GRIK4: variants seen among roughly 807,000 people sequenced by gnomAD.
The protein encoded by GRIK4 is glutamate ionotropic receptor kainate type subunit 4.
A neutral mutation model predicts 104.9 loss-of-function variants in GRIK4; 40 were observed. The observed-to-expected ratio is 0.38, with a 90% CI of 0.30 to 0.50. The LOEUF (loss-of-function observed/expected upper bound fraction) is 0.50. Among genes scored for constraint, GRIK4 ranks in the 20% least tolerant of loss-of-function variants. The pLI, the probability that GRIK4 is intolerant of heterozygous loss-of-function variation, is 0.93. For missense variants in GRIK4, 1,047 were observed against 1,308.1 expected (o/e 0.80, Z 3.08); for synonymous variants, 485 against 524.9 (o/e 0.92, Z 1.04).
At chr11:120,934,918 C>T (rs1031851882) in intron 13 of GRIK4, among the ~76,000 whole-genome samples, 1 of 152,160 alleles carries the variant, frequency 6.6e-6, no homozygotes, top group Non-Finnish European at 1.5e-5. Flanking sequence ...TTCCATCCCC[C>T]CTGGGTTACG....
At chr11:120,923,454 C>T (rs1943268714) in intron 13 of GRIK4, among the ~76,000 whole-genome samples, 1 of 146,800 alleles carries the variant, frequency 6.8e-6, no homozygotes, top group African/African-American at 2.5e-5. Flanking sequence ...ACTCAGTCGC[C>T]CAGGCTGGAG....
chr11:120,966,034 T>C (rs879348338), intron 18 of GRIK4, among the ~76,000 whole-genome samples: 1 of 152,226 alleles, frequency 6.6e-6, no homozygotes, highest in Non-Finnish European at 1.5e-5. Context: ...TGCTGGGACA[T>C]TGAGCTTTCC....
In GRIK4 at chr11:120,902,747, G is replaced by T. The variant is rs1214038322; in HGVS notation, c.1273-2543G>T. Among the ~76,000 whole-genome samples the T allele has an allele frequency of 6.6e-6, 1 of 152,160 alleles. No individual in the cohort carries two copies. Among genetic ancestry groups the T allele is most frequent in the African/African-American group, 2.4e-5 (1 of 41,420 alleles). On this transcript the variant is annotated intron_variant, in intron 12 of 20. Coordinates refer to ENST00000527524, the MANE Select transcript of GRIK4 (RefSeq NM_014619.5). The surrounding 1 kb of genome is among the most constrained non-coding windows in gnomAD (Gnocchi z 4.5). The stretch of plus-strand genomic sequence containing the variant: ...AGAGCAGGGGAGTTCTGAGACATGG[G>T]TTGGCACAGAAGGAGGCAGTGTGAC...
In GRIK4 at chr11:120,831,989, A is replaced by G. The variant is rs755936093; in HGVS notation, c.649A>G (p.Ile217Val). 17 of 1,613,538 alleles carry G rather than the reference A, an allele frequency of 1.1e-5. No individual in the cohort carries two copies. The highest frequency in any genetic ancestry group is 1.7e-5 in the Admixed American group (1 of 59,976). ...GGACGACAAGACCGCCACCATCATC[A>G]TCCACGCCAACGCCTCCATGTCCCA... Reference protein sequence around the residue: ...IRDDKTATIIIHANASMSHTI... With the variant: ...IRDDKTATIIVHANASMSHTI... The change falls in exon 7 of 21, where the codon ATC becomes GTC. Residue 217 changes from isoleucine (I) to valine (V), a missense_variant. This residue lies in a region of GRIK4 where 447 missense variants were observed against 514.9 expected (regional missense o/e 0.87). Transcript: ENST00000527524.
intron 3 of GRIK4, among the ~76,000 whole-genome samples, chr11:120,690,363 C>T (rs894942439): frequency 6.6e-5 from 10 of 152,200 alleles, no homozygotes; most frequent in African/African-American, 2.4e-4. Context: ...CTTCTAGGCA[C>T]ATCTCTATTG....
intron 3 of GRIK4, among the ~76,000 whole-genome samples, chr11:120,679,864 C>T (rs1316626701): frequency 2.6e-5 from 4 of 152,182 alleles, no homozygotes; most frequent in African/African-American, 9.7e-5. Context: ...AACATCGTTC[C>T]CATCCCTATC....
chr11:120,917,247 CA>C (rs199620498), intron 13 of GRIK4, among the ~76,000 whole-genome samples: 459 of 34,788 alleles, frequency 0.013, 2 homozygotes, highest in Middle Eastern at 0.056. Context: ...AACTCCGTCT[CA>C]AAAAAAAAAA....
intron 14 of GRIK4, among the ~76,000 whole-genome samples, chr11:120,951,019 A>G (rs951510116): frequency 6.6e-6 from 1 of 152,224 alleles, no homozygotes; most frequent in African/African-American, 2.4e-5. Flanking sequence ...ATCAAAGGGC[A>G]GTTCCGTGGT....
chr11:120,587,783 G>C (rs1238163821), intron 1 of GRIK4, among the ~76,000 whole-genome samples: 2 of 152,216 alleles, frequency 1.3e-5, no homozygotes, highest in East Asian at 3.8e-4. Flanking sequence ...GTACCAGTCA[G>C]CTCTGGTGCT....
intron 12 of GRIK4, among the ~76,000 whole-genome samples, chr11:120,899,986 C>T (rs1029259598): frequency 2.0e-5 from 3 of 152,190 alleles, no homozygotes; most frequent in African/African-American, 7.2e-5. Flanking sequence ...TTATGAACTC[C>T]TGGGGCCCAG....
intron 3 of GRIK4, among the ~76,000 whole-genome samples, chr11:120,792,535 C>T (rs1952419331): frequency 6.6e-6 from 1 of 151,842 alleles, no homozygotes; most frequent in Admixed American, 6.6e-5. Flanking sequence ...TAAGAGGTTG[C>T]AGTTAAGTCG....
At chr11:120,737,908 C>G (rs553023290) in intron 3 of GRIK4, among the ~76,000 whole-genome samples, 3 of 152,000 alleles carry the variant, frequency 2.0e-5, no homozygotes, top group Admixed American at 2.0e-4. Context: ...TTTTCTGTAT[C>G]TATGTTTTAT....
rs1237503037 is a variant in GRIK4, at chr11:120,987,781, T to C, written c.*1521T>C. 1 of 152,286 alleles carries C rather than the reference T, an allele frequency of 6.6e-6. No individual in the cohort carries two copies. The highest frequency in any genetic ancestry group is 1.5e-5 in the Non-Finnish European group (1 of 68,076). 9.4% of individuals were successfully genotyped at this position (152,286 alleles called of 1,614,324 possible). A position where few individuals can be genotyped will look rare whatever the true frequency, so the allele number is the denominator to read the frequency against. On this transcript the variant is annotated 3_prime_UTR_variant, in exon 21 of 21. Coordinates refer to ENST00000527524, the MANE Select transcript of GRIK4 (RefSeq NM_014619.5). Reference sequence around the variant, plus strand: ...ATCTGATGGGAGGGGCGAGGCTTTCTACAGCTGCTTGACCTTTGCTTGGCT... The same window carrying C: ...ATCTGATGGGAGGGGCGAGGCTTTCCACAGCTGCTTGACCTTTGCTTGGCT...
chr11:120,652,177 A>G (rs1949629385), intron 1 of GRIK4, among the ~76,000 whole-genome samples: 2 of 152,200 alleles, frequency 1.3e-5, no homozygotes, highest in African/African-American at 4.8e-5. Context: ...TACTTTGCAT[A>G]TAGTAAATAT....
chr11:120,802,492 A>T (rs1323436385), intron 3 of GRIK4, among the ~76,000 whole-genome samples: 1 of 152,084 alleles, frequency 6.6e-6, no homozygotes, highest in Non-Finnish European at 1.5e-5. Context: ...ATTAGAATTC[A>T]CTTCTACACC....
At chr11:120,782,751 G>T (rs1235107357) in intron 3 of GRIK4, among the ~76,000 whole-genome samples, 1 of 152,180 alleles carries the variant, frequency 6.6e-6, no homozygotes, top group Non-Finnish European at 1.5e-5. Flanking sequence ...GGGACACCAA[G>T]AGTTGAGTTG....
rs1043536610 is a variant in GRIK4 at position 120,882,703 on chromosome 11, G to A, written c.1164+7460G>A. On this transcript the variant is annotated intron_variant, in intron 11 of 20. Coordinates refer to ENST00000527524, the MANE Select transcript of GRIK4 (RefSeq NM_014619.5). The stretch of plus-strand genomic sequence containing the variant: ...AAATTCTTAAGAGTTGGAGGTCAGC[G>A]AGTCCATCTTTCCTACCAGAGAACA... 2.0e-5 allele frequency among the ~76,000 whole-genome samples: 3 copies of A among 152,188 alleles called. No homozygotes were observed. In the East Asian group the frequency reaches 5.8e-4, roughly 29 times the overall value.
chr11:120,701,320 C>T (rs1478135027), intron 3 of GRIK4, among the ~76,000 whole-genome samples: 1 of 152,198 alleles, frequency 6.6e-6, no homozygotes, highest in Non-Finnish European at 1.5e-5. Flanking sequence ...TTGCTTCCTT[C>T]TCTGTGAGTT....
chr11:120,840,757 G>C (rs1051983721), intron 8 of GRIK4, among the ~76,000 whole-genome samples: 1 of 152,204 alleles, frequency 6.6e-6, no homozygotes, highest in African/African-American at 2.4e-5. Context: ...CAATCTGCCT[G>C]CCTGCCTGCC....
Sources: gnomAD v4.1 joint callset for allele counts (sites outside exome capture counted in the v4.1 genomes callset) on GRCh38, gnomAD v4.1.1 for gene constraint, gnomAD v4.1.1 regional missense constraint, Gnocchi (gnomAD v3.1) non-coding constraint, MANE v1.5 for transcripts, NCBI Gene and HGNC (gene_info 2026-07-23, HGNC 2026-07-21) for gene names.